FAM117B: variants seen among roughly 807,000 people sequenced by gnomAD.
FAM117B encodes protein FAM117B.
In FAM117B, 22 loss-of-function variants were observed where a neutral mutation model predicts 52.8. That is an observed-to-expected ratio of 0.42 (90% CI 0.30 to 0.59). The LOEUF (loss-of-function observed/expected upper bound fraction) is 0.59. Ranked by LOEUF, FAM117B falls within the 20% of genes least tolerant of loss-of-function variation. FAM117B has a pLI of 0.22. For missense variants in FAM117B, 678 were observed against 802.6 expected, an observed-to-expected ratio of 0.84 and a Z score of 1.88; for synonymous variants, 309 against 324.1, an observed-to-expected ratio of 0.95 and a Z score of 0.50.
At chr2:202,654,372 T>A (rs905322257) in intron 1 of FAM117B, among the ~76,000 whole-genome samples, 1 of 152,134 alleles carries the variant, frequency 6.6e-6, no homozygotes, top group East Asian at 1.9e-4. Context: ...GGGTTATCAC[T>A]GGATTTTTGC....
chr2:202,758,084 T>C (rs1454369348), intron 6 of FAM117B, among the ~76,000 whole-genome samples: 2 of 152,232 alleles, frequency 1.3e-5, no homozygotes, highest in Non-Finnish European at 2.9e-5. Flanking sequence ...CGTTGTGTAC[T>C]TGAAAGCAAT....
Position 202,670,186 on chromosome 2 carries a change from A to G in FAM117B, c.602-25695A>G, listed in dbSNP as rs562259916. Among the ~76,000 whole-genome samples, 9 of 152,364 alleles carry G rather than the reference A, an allele frequency of 5.9e-5. No homozygotes were observed. The East Asian group carries it at 1.3e-3, about 23-fold the overall frequency. On this transcript the variant is annotated intron_variant, in intron 1 of 7. Coordinates refer to ENST00000392238, the MANE Select transcript of FAM117B (RefSeq NM_173511.4). Reference sequence around the variant, plus strand: ...GGGGAAACAAGTGATGAAATAAGACATACCAATTTGTTCCAAAGGCTTAAG... The same window carrying G: ...GGGGAAACAAGTGATGAAATAAGACGTACCAATTTGTTCCAAAGGCTTAAG...
intron 1 of FAM117B, among the ~76,000 whole-genome samples, chr2:202,694,198 T>C (rs1448865587): frequency 6.9e-6 from 1 of 144,504 alleles, no homozygotes; most frequent in Non-Finnish European, 1.5e-5. Flanking sequence ...CTTTTTTTTT[T>C]TTTTTTTTTT....
At chr2:202,726,527 T>A (rs1574571201) in intron 4 of FAM117B, among the ~76,000 whole-genome samples, 164 bp downstream of exon 4, 1 of 152,224 alleles carries the variant, frequency 6.6e-6, no homozygotes, top group East Asian at 1.9e-4. Context: ...AATATTAAGT[T>A]GACAAAATGA....
In FAM117B at chr2:202,757,341, G is replaced by T; in HGVS notation, c.1233G>T (p.Gln411His). 2 of 1,614,140 alleles carry T rather than the reference G, an allele frequency of 1.2e-6. No individual in the cohort carries two copies. The highest frequency in any genetic ancestry group is 1.7e-6 in the Non-Finnish European group (2 of 1,180,036). The change falls in exon 6 of 8, where the codon CAG becomes CAT. Residue 411 changes from glutamine to histidine, a missense_variant. Gln to His is a conservative substitution (Grantham distance 24, BLOSUM62 0). Transcript: ENST00000392238. Reference sequence around the variant, plus strand: ...GAAGCAACAACAGCAGCCGTTCCCAGTCCGTGTCCCCAACATCGTTCCTCA... The same window carrying T: ...GAAGCAACAACAGCAGCCGTTCCCATTCCGTGTCCCCAACATCGTTCCTCA... Reference protein sequence around the residue: ...DRGSNNSSRSQSVSPTSFLTI... With the variant: ...DRGSNNSSRSHSVSPTSFLTI...
At chr2:202,703,430 A>T (rs540789900) in intron 2 of FAM117B, among the ~76,000 whole-genome samples, 280 of 152,294 alleles carry the variant, frequency 1.8e-3, no homozygotes, top group African/African-American at 6.4e-3. Context: ...ACAGGTCATT[A>T]CAGCCTCGAC....
chr2:202,654,712 T>C (rs1690026728), intron 1 of FAM117B, among the ~76,000 whole-genome samples: 1 of 151,864 alleles, frequency 6.6e-6, no homozygotes, highest in African/African-American at 2.4e-5. Context: ...CATCATACTG[T>C]ATTTTTAAAA....
chr2:202,737,137 T>C (rs955148530), intron 4 of FAM117B, among the ~76,000 whole-genome samples: 4 of 152,050 alleles, frequency 2.6e-5, no homozygotes, highest in African/African-American at 7.2e-5. Flanking sequence ...CACCTAACTT[T>C]TAAGGTATAC....
chr2:202,715,686 C>T (rs972691860), intron 2 of FAM117B, among the ~76,000 whole-genome samples: 3 of 151,962 alleles, frequency 2.0e-5, no homozygotes, highest in Admixed American at 6.6e-5. Flanking sequence ...GCATGGCGGC[C>T]GGGCAGAGGC....
chr2:202,669,788 A>G (rs1208967777), intron 1 of FAM117B, among the ~76,000 whole-genome samples: 1 of 152,172 alleles, frequency 6.6e-6, no homozygotes, highest in African/African-American at 2.4e-5. Context: ...ATATTAAAGC[A>G]CTAATTTGCT....
In FAM117B at chr2:202,757,447, C is replaced by T. The variant is rs756707364; in HGVS notation, c.1330+9C>T. The T allele has an allele frequency of 7.4e-6, 12 of 1,612,280 alleles. No homozygotes were observed. Among genetic ancestry groups the T allele is most frequent in the Non-Finnish European group, 5.9e-6 (7 of 1,178,472 alleles). ...TGATCCCAGAGATAAAGGTACAGTG[C>T]TGGAGGAATGTGCTACTAGATGATA... is the stretch of plus-strand genomic sequence containing the variant. On this transcript the variant is annotated intron_variant, in intron 6 of 7. Coordinates refer to ENST00000392238, the MANE Select transcript of FAM117B (RefSeq NM_173511.4).
In FAM117B at chr2:202,766,574, G is replaced by A. The variant is rs1401427969; in HGVS notation, c.*810G>A. 1 of 152,612 alleles carries A rather than the reference G, an allele frequency of 6.6e-6. No individual in the cohort carries two copies. The highest frequency in any genetic ancestry group is 6.5e-5 in the Admixed American group (1 of 15,268). 9.5% of individuals were successfully genotyped at this position (152,612 alleles called of 1,614,324 possible). A position where few individuals can be genotyped will look rare whatever the true frequency, so the allele number is the denominator to read the frequency against. The stretch of plus-strand genomic sequence containing the variant: ...CAGAAAAGTTGTAGTCTGAAGACAA[G>A]TGCTTTAATATGTTCTCACCCATAT... On this transcript the variant is annotated 3_prime_UTR_variant, in exon 8 of 8. Coordinates refer to ENST00000392238, the MANE Select transcript of FAM117B (RefSeq NM_173511.4).
At chr2:202,690,676 G>C (rs993270652) in intron 1 of FAM117B, among the ~76,000 whole-genome samples, 1 of 152,186 alleles carries the variant, frequency 6.6e-6, no homozygotes, top group Non-Finnish European at 1.5e-5. Context: ...TACATACTGG[G>C]AACTGCAAGT....
chr2:202,741,149 G>A (rs562144281), intron 4 of FAM117B, among the ~76,000 whole-genome samples: 12 of 152,126 alleles, frequency 7.9e-5, no homozygotes, highest in Middle Eastern at 3.4e-3. Flanking sequence ...AACGCCAGGC[G>A]CGGTGGCTCA....
intron 2 of FAM117B, among the ~76,000 whole-genome samples, chr2:202,709,440 G>A (rs772685742): frequency 3.3e-5 from 5 of 152,266 alleles, no homozygotes; most frequent in East Asian, 1.9e-4. Flanking sequence ...GACCTCAGGC[G>A]ATCTGCCCCC....
At chr2:202,656,931 C>A (rs1053679822) in intron 1 of FAM117B, among the ~76,000 whole-genome samples, 1 of 152,088 alleles carries the variant, frequency 6.6e-6, no homozygotes, top group African/African-American at 2.4e-5. Flanking sequence ...TAATTTCCCT[C>A]TATCCCTGGT....
At chr2:202,673,026 C>T (rs1197859025) in intron 1 of FAM117B, among the ~76,000 whole-genome samples, 2 of 152,074 alleles carry the variant, frequency 1.3e-5, no homozygotes, top group Non-Finnish European at 1.5e-5. Context: ...CCAGACTGGG[C>T]GACAGAGTGA....
intron 4 of FAM117B, among the ~76,000 whole-genome samples, chr2:202,738,923 T>G (rs1349424432): frequency 6.6e-6 from 1 of 152,194 alleles, no homozygotes; most frequent in African/African-American, 2.4e-5. Context: ...GTGTGGTGGC[T>G]CACGCCTGTA....
intron 4 of FAM117B, among the ~76,000 whole-genome samples, chr2:202,748,802 C>CA (rs772892189): frequency 1.3e-5 from 2 of 151,922 alleles, no homozygotes; most frequent in Non-Finnish European, 2.9e-5. Context: ...TGGCTGTTAT[C>CA]AAAAAGACAA....
Sources: gnomAD v4.1 joint callset for allele counts (sites outside exome capture counted in the v4.1 genomes callset) on GRCh38, gnomAD v4.1.1 for gene constraint, MANE v1.5 for transcripts, NCBI Gene and HGNC (gene_info 2026-07-23, HGNC 2026-07-21) for gene names.